Variants in EXOC6B observed in about 807,000 individuals in gnomAD.
EXOC6B encodes SEC15 homolog B.
In EXOC6B, 54 loss-of-function variants were observed where a neutral mutation model predicts 113.5. The ratio of observed to expected loss-of-function variants is 0.48; its 90% confidence interval spans 0.38 to 0.60. The LOEUF (loss-of-function observed/expected upper bound fraction) is 0.60. EXOC6B is among the 20% of genes least tolerant of loss of function. The pLI, the probability that EXOC6B is intolerant of heterozygous loss-of-function variation, is 0.00. For missense variants in EXOC6B, 797 were observed against 977.5 expected, an observed-to-expected ratio of 0.82 and a Z score of 2.46; for synonymous variants, 357 against 339.0, an observed-to-expected ratio of 1.05 and a Z score of -0.58.
intron 19 of EXOC6B, among the ~76,000 whole-genome samples, chr2:72,353,517 AC>A (rs1689789551): frequency 6.6e-6 from 1 of 151,842 alleles, no homozygotes; most frequent in Non-Finnish European, 1.5e-5. Context: ...GATTACAGGC[AC>A]CTGCCACCAT....
chr2:72,228,091 CAGG>C (rs1315600282), intron 20 of EXOC6B, among the ~76,000 whole-genome samples: 1 of 151,926 alleles, frequency 6.6e-6, no homozygotes, highest in Non-Finnish European at 1.5e-5. Context: ...CGGATTTTAC[CAGG>C]AGAAGGATGT....
chr2:72,485,507 G>T (rs527782816), intron 16 of EXOC6B, among the ~76,000 whole-genome samples: 1 of 152,216 alleles, frequency 6.6e-6, no homozygotes, highest in African/African-American at 2.4e-5. Flanking sequence ...GACTTCAAGG[G>T]ATTTGATCTC....
chr2:72,391,137 T>G (rs1235818564), intron 18 of EXOC6B, among the ~76,000 whole-genome samples: 1 of 152,174 alleles, frequency 6.6e-6, no homozygotes, highest in Non-Finnish European at 1.5e-5. Flanking sequence ...CATTTGTTGG[T>G]CTTCTCTCAT....
At chr2:72,734,972 T>C (rs1013103976) in intron 2 of EXOC6B, among the ~76,000 whole-genome samples, 5 of 152,198 alleles carry the variant, frequency 3.3e-5, no homozygotes, top group Admixed American at 3.3e-4. Context: ...AGAAGTAAAG[T>C]GGCTCCGTAA....
chr2:72,260,295 G>C (rs539546397), intron 20 of EXOC6B, among the ~76,000 whole-genome samples: 44 of 152,238 alleles, frequency 2.9e-4, no homozygotes, highest in Admixed American at 1.2e-3. Context: ...AACTTCCAGC[G>C]ATATCACAGG....
At chr2:72,754,212 G>A (rs1020490795) in intron 1 of EXOC6B, among the ~76,000 whole-genome samples, 30 of 151,982 alleles carry the variant, frequency 2.0e-4, no homozygotes, top group African/African-American at 6.5e-4. Context: ...TTACCAACAA[G>A]GTAGAACACA....
chr2:72,640,038 A>C (rs1673116297), intron 6 of EXOC6B, among the ~76,000 whole-genome samples: 1 of 152,186 alleles, frequency 6.6e-6, no homozygotes, highest in Non-Finnish European at 1.5e-5. Context: ...TGACAAAAAC[A>C]GAATTCAGAA....
chr2:72,299,129 C>T (rs1040163359), intron 20 of EXOC6B, among the ~76,000 whole-genome samples: 10 of 152,030 alleles, frequency 6.6e-5, no homozygotes, highest in Admixed American at 3.3e-4. Context: ...ACCAATCAGA[C>T]GTAGATTTGG....
chr2:72,417,526 T>C (rs563921427), intron 18 of EXOC6B, among the ~76,000 whole-genome samples: 3 of 152,354 alleles, frequency 2.0e-5, no homozygotes, highest in African/African-American at 7.2e-5. Context: ...TTCTACTGCT[T>C]ATAATTAATA....
chr2:72,409,109 T>A (rs1023543073), intron 18 of EXOC6B, among the ~76,000 whole-genome samples: 2 of 152,028 alleles, frequency 1.3e-5, no homozygotes, highest in Non-Finnish European at 2.9e-5. Context: ...AAAAGACACA[T>A]GAAAAAATGC....
chr2:72,390,981 A>G (rs769182228), intron 18 of EXOC6B, among the ~76,000 whole-genome samples: 1 of 152,128 alleles, frequency 6.6e-6, no homozygotes, highest in African/African-American at 2.4e-5. Context: ...TTCATTTCCA[A>G]ACTGCTTCCT....
intron 6 of EXOC6B, among the ~76,000 whole-genome samples, chr2:72,693,686 T>C (rs1005169280): frequency 1.3e-5 from 2 of 152,212 alleles, no homozygotes; most frequent in East Asian, 1.9e-4. Flanking sequence ...ATCAATATTA[T>C]TGTGGCTGCT....
At chr2:72,807,998 T>C (rs1423069224) in intron 1 of EXOC6B, among the ~76,000 whole-genome samples, 4 of 152,220 alleles carry the variant, frequency 2.6e-5, no homozygotes, top group Non-Finnish European at 5.9e-5. Context: ...CTTGAGGGGA[T>C]GGATACCCCA....
intron 6 of EXOC6B, among the ~76,000 whole-genome samples, chr2:72,609,414 T>C (rs1158359909): frequency 1.3e-5 from 2 of 151,738 alleles, no homozygotes; most frequent in Non-Finnish European, 2.9e-5. Flanking sequence ...AAATAGAAAC[T>C]CTAGTACTGA....
intron 18 of EXOC6B, among the ~76,000 whole-genome samples, chr2:72,436,432 T>G (rs1695875003): frequency 6.6e-6 from 1 of 152,220 alleles, no homozygotes; most frequent in Non-Finnish European, 1.5e-5. Flanking sequence ...TTCCTGAATT[T>G]GAATGCTGGC....
At chr2:72,549,331 A>C (rs2105815643) in intron 8 of EXOC6B, among the ~76,000 whole-genome samples, 1 of 152,340 alleles carries the variant, frequency 6.6e-6, no homozygotes, top group African/African-American at 2.4e-5. Flanking sequence ...TAAGGGCTTA[A>C]GATAATGGTA....
At chr2:72,326,868 A>G (rs1688156649) in intron 20 of EXOC6B, among the ~76,000 whole-genome samples, 1 of 152,000 alleles carries the variant, frequency 6.6e-6, no homozygotes, top group Admixed American at 6.6e-5. Context: ...CCAAGGATGA[A>G]GCGGAAAGTG....
chr2:72,720,850 C>A (rs1679954595), intron 5 of EXOC6B, among the ~76,000 whole-genome samples: 1 of 151,180 alleles, frequency 6.6e-6, no homozygotes, highest in Admixed American at 6.6e-5. Flanking sequence ...TTGCTAGTAA[C>A]ACAGAGGGAC....
At chr2:72,442,814 C>G (rs531568539) in intron 18 of EXOC6B, among the ~76,000 whole-genome samples, 1 of 152,116 alleles carries the variant, frequency 6.6e-6, no homozygotes, top group African/African-American at 2.4e-5. Flanking sequence ...CCATACTGCC[C>G]AAAGAAATTC....
Sources: allele counts gnomAD v4.1 joint callset (sites outside exome capture counted in the v4.1 genomes callset), GRCh38; gene constraint gnomAD v4.1.1; transcripts MANE v1.5; gene names NCBI Gene and HGNC (gene_info 2026-07-23, HGNC 2026-07-21).